AP2B1: variants seen among roughly 807,000 people sequenced by gnomAD.
AP2B1 encodes the protein adaptor related protein complex 2 subunit beta 1.
A neutral mutation model predicts 102.0 loss-of-function variants in AP2B1; 23 were observed. The observed-to-expected ratio is 0.23, with a 90% CI of 0.16 to 0.32. The LOEUF is 0.32. Ranked by LOEUF, AP2B1 falls within the 10% of genes least tolerant of loss-of-function variation. The pLI, the probability that AP2B1 is intolerant of heterozygous loss-of-function variation, is 1.00. For synonymous variants in AP2B1, 381 were observed against 421.2 expected, an observed-to-expected ratio of 0.90 and a Z score of 1.17; for missense variants, 541 against 1,157.4, an observed-to-expected ratio of 0.47 and a Z score of 7.73.
intron 10 of AP2B1, among the ~76,000 whole-genome samples, chr17:35,636,816 G>C (rs1450733225): frequency 6.6e-6 from 1 of 152,126 alleles, no homozygotes; most frequent in Non-Finnish European, 1.5e-5. Context: ...TAATGATTGT[G>C]CACCTTTTCT....
At chr17:35,707,027 A>G (rs1356576729) in intron 18 of AP2B1, among the ~76,000 whole-genome samples, 2 of 152,084 alleles carry the variant, frequency 1.3e-5, no homozygotes, top group Admixed American at 6.5e-5. Context: ...TATTTGAAAT[A>G]AGAATTCTCC....
At position 35,709,226 on chromosome 17, in the gene AP2B1, G is replaced by A. The variant is rs2076401075; in HGVS notation, c.2457G>A (p.Val819=). 1.2e-6 allele frequency: 2 copies of A among 1,613,940 alleles called. No homozygotes were observed. The highest frequency in any genetic ancestry group is 3.3e-5 in the Admixed American group (2 of 59,988). Residue 819 remains valine (V), a splice_region_variant and synonymous_variant, in exon 19 of 22, where the codon GTG becomes GTA. Coordinates refer to ENST00000610402, the MANE Select transcript of AP2B1 (RefSeq NM_001030006.2). ...MKMEPLNNLQ[V]AVKNNIDVFY... is the part of the protein sequence containing the mutation. ...TGACCTTGTTGCTTTCCTGGCAGGTGGCTGTGAAAAACAATATCGATGTCT... is the reference window on the plus strand; with the variant it reads ...TGACCTTGTTGCTTTCCTGGCAGGTAGCTGTGAAAAACAATATCGATGTCT...
intron 18 of AP2B1, among the ~76,000 whole-genome samples, chr17:35,697,258 T>A (rs970853804): frequency 5.3e-5 from 8 of 152,226 alleles, no homozygotes; most frequent in Non-Finnish European, 1.2e-4. Flanking sequence ...AAAGGCAAGA[T>A]CACAGCACAT....
chr17:35,689,619 C>A (rs950590471), intron 18 of AP2B1, among the ~76,000 whole-genome samples: 1 of 152,100 alleles, frequency 6.6e-6, no homozygotes, highest in African/African-American at 2.4e-5. Flanking sequence ...GTGTTTGAAT[C>A]AGTAAAGTGC....
intron 12 of AP2B1, among the ~76,000 whole-genome samples, chr17:35,648,743 A>AGTGTGTGTGTGTGTGTGT (rs10668040): frequency 5.4e-5 from 8 of 148,590 alleles, no homozygotes; most frequent in East Asian, 2.0e-4. Flanking sequence ...ATATGAAATA[A>AGTGTGTGTGTGTGTGTGT]GTGTGTGTGT....
intron 5 of AP2B1, among the ~76,000 whole-genome samples, chr17:35,608,695 T>C (rs1377223854): frequency 6.6e-6 from 1 of 152,206 alleles, no homozygotes; most frequent in Non-Finnish European, 1.5e-5. Flanking sequence ...TATATATATT[T>C]AAGATTATTT....
intron 18 of AP2B1, among the ~76,000 whole-genome samples, chr17:35,696,920 A>G (rs1486298178): frequency 6.6e-6 from 1 of 152,212 alleles, no homozygotes; most frequent in African/African-American, 2.4e-5. Context: ...TCTGGCACAC[A>G]GTAGGTGCTA....
At chr17:35,662,534 T>G (rs1165312148) in intron 14 of AP2B1, among the ~76,000 whole-genome samples, 14 of 12,104 alleles carry the variant, frequency 1.2e-3, no homozygotes, top group Non-Finnish European at 1.4e-3. Context: ...TTGGGTTTGT[T>G]TTTTTTTTTT....
chr17:35,663,856 G>T (rs1229858942), intron 14 of AP2B1, among the ~76,000 whole-genome samples: 1 of 152,194 alleles, frequency 6.6e-6, no homozygotes, highest in Admixed American at 6.5e-5. Flanking sequence ...ACAGAAGTGT[G>T]TTCATTCATG....
intron 21 of AP2B1, among the ~76,000 whole-genome samples, chr17:35,719,631 T>A (rs188276484): frequency 2.5e-4 from 38 of 152,282 alleles, no homozygotes; most frequent in African/African-American, 9.1e-4. Flanking sequence ...ATTCATCCTT[T>A]GAAGAATATT....
chr17:35,614,655 T>TTAAAA (rs754043078), intron 5 of AP2B1, among the ~76,000 whole-genome samples: 1 of 93,158 alleles, frequency 1.1e-5, no homozygotes, highest in Non-Finnish European at 2.0e-5. Context: ...GTTGAATTAG[T>TTAAAA]AAAAAAAAAA....
Position 35,597,005 on chromosome 17 carries a change from G to A in AP2B1, c.38-1225G>A, listed in dbSNP as rs972722291. On this transcript the variant is annotated intron_variant, in intron 2 of 21. Transcript: ENST00000610402. ...TCGGAGAGGAGCCTGGCGCCTGCAC[G>A]GTCCAGCTCGGACACAGGTGGCGGC... The A allele has an allele frequency of 7.8e-6, 5 of 637,192 alleles. No individual in the cohort carries two copies. The Admixed American group carries it at 7.9e-5, about 10-fold the overall frequency. The allele number at this position is 637,192 out of a possible 1,614,324, so 39.5% of individuals were successfully genotyped here. A position where few individuals can be genotyped will look rare whatever the true frequency, so the allele number is the denominator to read the frequency against.
intron 18 of AP2B1, among the ~76,000 whole-genome samples, chr17:35,705,358 A>G (rs1008783583): frequency 6.6e-6 from 1 of 152,210 alleles, no homozygotes; most frequent in Admixed American, 6.5e-5. Context: ...TAAGCTAACA[A>G]TCTGCCGATA....
chr17:35,635,906 C>T (rs1212501956), intron 9 of AP2B1, among the ~76,000 whole-genome samples: 3 of 151,874 alleles, frequency 2.0e-5, no homozygotes, highest in East Asian at 1.9e-4. Flanking sequence ...TCAGGCTGGT[C>T]GCAAACCCCT....
At chr17:35,718,553 G>A (rs1222983819) in intron 21 of AP2B1, among the ~76,000 whole-genome samples, 1 of 151,954 alleles carries the variant, frequency 6.6e-6, no homozygotes, top group East Asian at 1.9e-4. Context: ...TTTCTGGAGG[G>A]ACAAGTTTTA....
At chr17:35,702,240 TG>T (rs1360149461) in intron 18 of AP2B1, among the ~76,000 whole-genome samples, 1 of 152,164 alleles carries the variant, frequency 6.6e-6, no homozygotes, top group Non-Finnish European at 1.5e-5. Context: ...AAACTGGAGT[TG>T]GAGGTTGGGT....
chr17:35,626,983 T>C lies in AP2B1; in HGVS notation c.938+141T>C, dbSNP rs2074331902. On this transcript the variant is annotated intron_variant, in intron 7 of 21. Coordinates refer to ENST00000610402, the MANE Select transcript of AP2B1 (RefSeq NM_001030006.2). The stretch of plus-strand genomic sequence containing the variant: ...TATATGGCAGAAAAACTTGCTTGCC[T>C]AGCACCAGGAGGCTAACAGTTGATA... The C allele has an allele frequency of 1.1e-5, 9 of 796,612 alleles. No individual in the cohort carries two copies. The East Asian group carries it at 2.4e-4, about 21-fold the overall frequency. The allele number at this position is 796,612 out of a possible 1,614,324, so 49.3% of individuals were successfully genotyped here. A position where few individuals can be genotyped will look rare whatever the true frequency, so the allele number is the denominator to read the frequency against.
chr17:35,703,581 A>G (rs1184093047), intron 18 of AP2B1, among the ~76,000 whole-genome samples: 1 of 152,214 alleles, frequency 6.6e-6, no homozygotes, highest in Non-Finnish European at 1.5e-5. Flanking sequence ...ACACAGGAAC[A>G]TAAAACCAAA....
intron 2 of AP2B1, among the ~76,000 whole-genome samples, chr17:35,596,354 C>CG (rs1368575932): frequency 6.6e-6 from 1 of 152,156 alleles, no homozygotes; most frequent in African/African-American, 2.4e-5. Flanking sequence ...TGCTATGCTA[C>CG]TTTTGTAGCT....
Sources: allele counts gnomAD v4.1 joint callset (sites outside exome capture counted in the v4.1 genomes callset), GRCh38; gene constraint gnomAD v4.1.1; transcripts MANE v1.5; gene names NCBI Gene and HGNC (gene_info 2026-07-23, HGNC 2026-07-21).